Variants in PRDM10 observed in about 807,000 individuals in gnomAD.
PRDM10 encodes the protein PR domain zinc finger protein 10.
A neutral mutation model predicts 133.1 loss-of-function variants in PRDM10; 65 were observed. The observed-to-expected ratio is 0.49, with a 90% CI of 0.40 to 0.60. The LOEUF (loss-of-function observed/expected upper bound fraction) is 0.60, where lower values mean the gene tolerates loss of function less well. Ranked by LOEUF, PRDM10 falls within the 20% of genes least tolerant of loss-of-function variation. The pLI is 0.00. For missense variants in PRDM10, 1,137 were observed against 1,507.1 expected (o/e 0.75, Z 4.07); for synonymous variants, 582 against 580.4 (o/e 1.00, Z -0.04).
rs377179601 is a variant in PRDM10, at chr11:129,932,057, C to T, written c.1287+45G>A. ...GGTCTCGTCAGGGATCTGGCGAGTC[C>T]TCCACACAAGCACCTAAGGAGGGCT... is the stretch of plus-strand genomic sequence containing the variant. On this transcript the variant is annotated intron_variant, in intron 10 of 20. Coordinates refer to ENST00000360871, the MANE Select transcript of PRDM10 (RefSeq NM_199437.2). 10 of 1,590,908 alleles carry T rather than the reference C, an allele frequency of 6.3e-6. No homozygotes were observed. The African/African-American group carries it at 1.3e-4, about 21-fold the overall frequency.
rs765878804 is a variant in PRDM10 at position 129,924,909 on chromosome 11, A to G, written c.1851T>C (p.Cys617=). The part of the protein sequence containing the change: ...INDGYFTCPT[C]KKRFPDFIQV... The stretch of plus-strand genomic sequence containing the variant: ...GGATAAAATCTGGGAACCGTTTCTT[A>G]CAAGTTGGGCAGGTGAAGTAGCCAT... Residue 617 remains cysteine, a synonymous_variant, in exon 12 of 21, where the codon TGT becomes TGC. Transcript: ENST00000360871. 1.7e-5 allele frequency: 27 copies of G among 1,610,540 alleles called. No individual in the cohort carries two copies. The highest frequency in any genetic ancestry group is 6.7e-5 in the East Asian group (3 of 44,848).
At chr11:129,909,381 C>T (rs1476466850) in intron 19 of PRDM10, among the ~76,000 whole-genome samples, 1 of 151,132 alleles carries the variant, frequency 6.6e-6, no homozygotes, top group East Asian at 2.0e-4. Context: ...ACCCGGGAGG[C>T]GGAGGTTGCA....
At chr11:129,912,375 C>A in intron 17 of PRDM10, 150 bp from the exon 18 acceptor site, 1 of 829,674 alleles carries the variant, frequency 1.2e-6, no homozygotes, top group Non-Finnish European at 1.7e-6. Flanking sequence ...GAGGCCAAAG[C>A]GGGTGTATCG....
chr11:129,902,240 C>T lies in PRDM10; in HGVS notation c.*73G>A. 1 of 1,520,196 alleles carries T rather than the reference C, an allele frequency of 6.6e-7. No homozygotes were observed. Among genetic ancestry groups the T allele is most frequent in the Non-Finnish European group, 9.0e-7 (1 of 1,116,084 alleles). The allele number at this position is 1,520,196 out of a possible 1,614,324, so 94.2% of individuals were successfully genotyped here. On this transcript the variant is annotated 3_prime_UTR_variant, in exon 21 of 21. Transcript: ENST00000360871. ...GAATAATAAATCTTACAAAAGAGCT[C>T]TACGTGTCAGAGCTTTCAGACTTAT...
intron 1 of PRDM10, among the ~76,000 whole-genome samples, chr11:129,973,752 T>TA (rs138415836): frequency 2.6e-5 from 4 of 152,106 alleles, no homozygotes; most frequent in African/African-American, 4.8e-5. Flanking sequence ...AACGATTTTT[T>TA]AAAAAAATCA....
In PRDM10 at chr11:129,902,286, T is replaced by C; in HGVS notation, c.*27A>G. ...CTTATGAGAACAGACATGAGGTGGG[T>C]GCTGGATTCAAGCTCCAGGGTGGAA... On this transcript the variant is annotated 3_prime_UTR_variant, in exon 21 of 21. Transcript: ENST00000360871. 6.2e-7 allele frequency: 1 copy of C among 1,609,576 alleles called. No individual in the cohort carries two copies. Among genetic ancestry groups the C allele is most frequent in the Non-Finnish European group, 8.5e-7 (1 of 1,176,874 alleles).
In PRDM10 at chr11:129,939,657, T is replaced by C. The variant is rs370563078; in HGVS notation, c.967-1987A>G. On this transcript the variant is annotated intron_variant, in intron 7 of 20. Transcript: ENST00000360871. ...TGTAAGCCCACTGACACCCCATGAG[T>C]GAACACGTGCCAAGCAATGCAAATG... Among the ~76,000 whole-genome samples, 15 of 152,242 alleles carry C rather than the reference T, an allele frequency of 9.9e-5. No individual in the cohort carries two copies. In the East Asian group the frequency reaches 1.7e-3, roughly 18 times the overall value.
chr11:129,986,434 G>T (rs1036691312), intron 1 of PRDM10, among the ~76,000 whole-genome samples: 1 of 152,160 alleles, frequency 6.6e-6, no homozygotes, highest in Non-Finnish European at 1.5e-5. Flanking sequence ...TGTCGCCCAG[G>T]CTGGAGTGCA....
intron 3 of PRDM10, among the ~76,000 whole-genome samples, chr11:129,956,350 C>T (rs1330851513): frequency 6.6e-6 from 1 of 152,124 alleles, no homozygotes; most frequent in Non-Finnish European, 1.5e-5. Context: ...GGCGGATCAC[C>T]TGAGGTCAGG....
At chr11:130,000,005 GT>G (rs1313917729) in intron 1 of PRDM10, among the ~76,000 whole-genome samples, 2 of 151,152 alleles carry the variant, frequency 1.3e-5, no homozygotes, top group East Asian at 3.9e-4. Flanking sequence ...TTATCTCTGG[GT>G]AATTATGGGT....
chr11:129,956,107 T>C (rs1951691571), intron 3 of PRDM10, among the ~76,000 whole-genome samples: 1 of 152,088 alleles, frequency 6.6e-6, no homozygotes, highest in African/African-American at 2.4e-5. Context: ...CTTTTCTACA[T>C]AGTCAGTAAA....
rs1322235735 is a variant in PRDM10, at chr11:129,914,980, C to G, written c.2565G>C (p.Glu855Asp). The G allele has an allele frequency of 1.2e-6, 2 of 1,606,276 alleles. No individual in the cohort carries two copies. The highest frequency in any genetic ancestry group is 4.5e-5 in the East Asian group (2 of 44,620). Residue 855 changes from glutamate (E) to aspartate (D), a missense_variant, in exon 17 of 21, where the codon GAG becomes GAC. Around this residue, in one of 6 missense-constraint regions of PRDM10, gnomAD observed 113 missense variants for 143.7 expected, o/e 0.79. Transcript: ENST00000360871. ...GTATGGTGTTGGAGAGCTGGGCGAA[C>G]TCTGGATGCTTCTTTCGAATGTGCT... Reference protein sequence around the residue: ...MVQHIRKKHPEFAQLSNTIHT... With the variant: ...MVQHIRKKHPDFAQLSNTIHT...
intron 1 of PRDM10, among the ~76,000 whole-genome samples, chr11:129,997,790 T>C (rs1312165888): frequency 1.3e-5 from 2 of 152,226 alleles, no homozygotes; most frequent in African/African-American, 4.8e-5. Flanking sequence ...ATTGAATACA[T>C]TAATTCAGTA....
Position 129,960,941 on chromosome 11 carries a change from C to A in PRDM10, c.24G>T (p.Ser8=), listed in dbSNP as rs757291881. Reference sequence around the variant, plus strand: ...GCTCTGCAGATGTCGGCCACACATGCGAGCTTTCATCTTTGGAATCCATCT... The same window carrying A: ...GCTCTGCAGATGTCGGCCACACATGAGAGCTTTCATCTTTGGAATCCATCT... MDSKDES[S]HVWPTSAEHE... is the part of the protein sequence containing the mutation. The change falls in exon 2 of 21, where the codon TCG becomes TCT. Residue 8 remains serine, a synonymous_variant. Coordinates refer to ENST00000360871, the MANE Select transcript of PRDM10 (RefSeq NM_199437.2). 3 of 1,614,130 alleles carry A rather than the reference C, an allele frequency of 1.9e-6. No individual in the cohort carries two copies. Among genetic ancestry groups the A allele is most frequent in the Admixed American group, 1.7e-5 (1 of 60,004 alleles).
intron 1 of PRDM10, among the ~76,000 whole-genome samples, chr11:129,982,720 G>T (rs929168210): frequency 1.7e-4 from 26 of 152,260 alleles, no homozygotes; most frequent in African/African-American, 5.1e-4. Flanking sequence ...GGAGGCCAAG[G>T]TGGGAGGATC....
intron 1 of PRDM10, among the ~76,000 whole-genome samples, chr11:129,967,677 T>C (rs76872341): frequency 5.1e-4 from 78 of 152,220 alleles, no homozygotes; most frequent in African/African-American, 1.8e-3. Context: ...CACAATCTAG[T>C]TGGAGAGATG....
At chr11:129,957,516 A>G (rs1195317351) in intron 3 of PRDM10, among the ~76,000 whole-genome samples, 1 of 151,976 alleles carries the variant, frequency 6.6e-6, no homozygotes, top group Non-Finnish European at 1.5e-5. Flanking sequence ...ACAGGGTTTC[A>G]CCCTCTTGGC....
At chr11:129,999,306 T>G (rs531275982) in intron 1 of PRDM10, among the ~76,000 whole-genome samples, 4 of 152,212 alleles carry the variant, frequency 2.6e-5, no homozygotes, top group African/African-American at 9.7e-5. Flanking sequence ...CCAGGAGAAT[T>G]TGAGTGGGAT....
At chr11:129,914,032 T>C (rs1379803259) in intron 17 of PRDM10, among the ~76,000 whole-genome samples, 1 of 152,138 alleles carries the variant, frequency 6.6e-6, no homozygotes, top group Admixed American at 6.5e-5. Context: ...TTTTGAGTCC[T>C]GTTCTGTCGC....
Sources: allele counts gnomAD v4.1 joint callset (sites outside exome capture counted in the v4.1 genomes callset), GRCh38; gene constraint gnomAD v4.1.1; regional missense constraint gnomAD v4.1.1; transcripts MANE v1.5; gene names NCBI Gene and HGNC (gene_info 2026-07-23, HGNC 2026-07-21).